BAHCC1: variants seen among roughly 807,000 people sequenced by gnomAD.
BAHCC1 encodes BAH and coiled-coil domain-containing protein 1.
In BAHCC1, 43 loss-of-function variants were observed where a neutral mutation model predicts 88.2. That is an observed-to-expected ratio of 0.49 (90% CI 0.38 to 0.63). The LOEUF (loss-of-function observed/expected upper bound fraction) is 0.63, where lower values mean the gene tolerates loss of function less well. Among genes scored for constraint, BAHCC1 ranks in the 20% least tolerant of loss-of-function variants. BAHCC1 has a pLI of 0.00. For missense variants in BAHCC1, 3,023 were observed against 1,654.8 expected, an observed-to-expected ratio of 1.83 and a Z score of -14.34; for synonymous variants, 1,510 against 745.5, an observed-to-expected ratio of 2.03 and a Z score of -16.71.
chr17:81,411,498 GCCTGCCTGCCTGCCTGCCTT>G lies in BAHCC1; in HGVS notation c.178+11585_178+11604del, dbSNP rs1567997967. The G allele has an allele frequency of 2.6e-5, 8 of 310,742 alleles. No homozygotes were observed. Among genetic ancestry groups the G allele is most frequent in the East Asian group, 8.6e-5 (1 of 11,652 alleles). 19.2% of individuals were successfully genotyped at this position (310,742 alleles called of 1,614,324 possible). ...CCCCTGCCTGCCTGCCTGCCTGCCT[GCCTGCCTGCCTGCCTGCCTT>G]CCTTCCTTCCTTCCTTCCTTCCTTC... On this transcript the variant is annotated intron_variant, in intron 2 of 27. Coordinates refer to ENST00000675386, the MANE Select transcript of BAHCC1 (RefSeq NM_001377448.1). This position sits in a 1 kb window ranked among gnomAD's most constrained non-coding sequence, Gnocchi z 6.2.
At chr17:81,424,253 G>T (rs1462015776) in intron 2 of BAHCC1, among the ~76,000 whole-genome samples, 1 of 152,220 alleles carries the variant, frequency 6.6e-6, no homozygotes, top group South Asian at 2.1e-4. Context: ...GTGCTGCCTG[G>T]AGGGGCCGAG....
At chr17:81,400,056 G>C in intron 2 of BAHCC1, 139 bp downstream of exon 2, 9 of 790,862 alleles carry the variant, frequency 1.1e-5, no homozygotes, top group Non-Finnish European at 1.5e-5. Flanking sequence ...GGCGCTGAGC[G>C]GGGCCGCGCG....
intron 16 of BAHCC1, among the ~76,000 whole-genome samples, chr17:81,457,119 G>A (rs551451497): frequency 1.3e-5 from 2 of 152,260 alleles, no homozygotes; most frequent in African/African-American, 4.8e-5. Context: ...AGCAGAAAAA[G>A]GGGAAGGGAC....
intron 3 of BAHCC1, among the ~76,000 whole-genome samples, chr17:81,433,314 G>A (rs2064291189): frequency 6.6e-6 from 1 of 152,216 alleles, no homozygotes. Context: ...TGTGGGAGCA[G>A]GGGTGTATGG....
chr17:81,424,974 G>A (rs1415557585), intron 2 of BAHCC1, among the ~76,000 whole-genome samples: 5 of 149,820 alleles, frequency 3.3e-5, no homozygotes, highest in African/African-American at 1.2e-4. Flanking sequence ...GATGTGGTTG[G>A]TGTGATGTGG....
Position 81,444,376 on chromosome 17 carries a change from T to TA in BAHCC1, c.2325-4dup. The TA allele has an allele frequency of 1.4e-6, 1 of 733,362 alleles. No individual in the cohort carries two copies. The highest frequency in any genetic ancestry group is 2.6e-5 in the East Asian group (1 of 38,322). The allele number at this position is 733,362 out of a possible 1,614,324, so 45.4% of individuals were successfully genotyped here. ...GGCGGCAGGGCTGAGCCCCAGGTCTTACAGGGACAGCAAAGACCGCGTAGA... is the reference window on the plus strand; with the variant it reads ...GGCGGCAGGGCTGAGCCCCAGGTCTTAACAGGGACAGCAAAGACCGCGTAGA... On this transcript the variant is annotated splice_polypyrimidine_tract_variant and splice_region_variant and intron_variant, in intron 6 of 27. Coordinates refer to ENST00000675386, the MANE Select transcript of BAHCC1 (RefSeq NM_001377448.1).
In BAHCC1 at chr17:81,442,239, C is replaced by A; in HGVS notation, c.890C>A (p.Ala297Asp). Residue 297 changes from alanine (A) to aspartate (D), a missense_variant, in exon 5 of 28, where the codon GCT becomes GAT. Transcript: ENST00000675386. ...TKVLNGEMGR[A>D]ALASCAGGML... ...GTGCTCAACGGCGAGATGGGCAGGG[C>A]TGCGCTAGCCAGCTGTGCAGGGGGC... The A allele has an allele frequency of 1.6e-6, 1 of 632,682 alleles. No homozygotes were observed. The allele number at this position is 632,682 out of a possible 1,614,324, so 39.2% of individuals were successfully genotyped here.
intron 2 of BAHCC1, among the ~76,000 whole-genome samples, chr17:81,419,687 C>T: frequency 6.6e-6 from 1 of 152,096 alleles, no homozygotes; most frequent in East Asian, 1.9e-4. Flanking sequence ...CCGGGGAGGC[C>T]CATGCCAGCA....
At chr17:81,438,239 C>T (rs1297906788) in intron 3 of BAHCC1, 131 bp from the exon 4 acceptor site, 4 of 654,822 alleles carry the variant, frequency 6.1e-6, no homozygotes, top group Non-Finnish European at 1.1e-5. Context: ...TTCCCCCCGG[C>T]GGCTGCGTGC....
At position 81,395,543 on chromosome 17, in the gene BAHCC1, A is replaced by G. The variant is rs1390794913; in HGVS notation, c.-299A>G. On this transcript the variant is annotated 5_prime_UTR_variant, in exon 1 of 28. Transcript: ENST00000675386. ...GCGGTGCATTTACAGTGCAACAGTC[A>G]GCACATTGAAAATACCAATAGGAAT... The G allele has an allele frequency of 1.3e-5, 2 of 152,272 alleles. No homozygotes were observed. The highest frequency in any genetic ancestry group is 2.4e-5 in the African/African-American group (1 of 41,478). 9.4% of individuals were successfully genotyped at this position (152,272 alleles called of 1,614,324 possible).
At chr17:81,457,079 G>A (rs2064763156) in intron 16 of BAHCC1, among the ~76,000 whole-genome samples, 1 of 152,142 alleles carries the variant, frequency 6.6e-6, no homozygotes, top group Non-Finnish European at 1.5e-5. Flanking sequence ...GGGGCTGGGG[G>A]AGGGGCAGAG....
intron 3 of BAHCC1, among the ~76,000 whole-genome samples, chr17:81,437,730 C>T (rs1329513823): frequency 2.0e-5 from 3 of 152,214 alleles, no homozygotes; most frequent in South Asian, 2.1e-4. Context: ...TGGCATGACT[C>T]GGAGTCACCG....
At chr17:81,449,048 G>A (rs893759042) in intron 11 of BAHCC1, among the ~76,000 whole-genome samples, 3 of 152,208 alleles carry the variant, frequency 2.0e-5, no homozygotes, top group Admixed American at 2.0e-4. Context: ...GGTCCCGTGT[G>A]TATGGCCAGA....
intron 2 of BAHCC1, among the ~76,000 whole-genome samples, chr17:81,404,755 C>T (rs782294252): frequency 4.5e-4 from 68 of 152,280 alleles, no homozygotes; most frequent in Middle Eastern, 3.4e-3. Flanking sequence ...AATGTGCGAG[C>T]GCTTGGGACA....
Position 81,442,763 on chromosome 17 carries a change from A to G in BAHCC1, c.1414A>G (p.Ser472Gly). 1.3e-6 allele frequency: 1 copy of G among 779,386 alleles called. No homozygotes were observed. Among genetic ancestry groups the G allele is most frequent in the Non-Finnish European group, 2.4e-6 (1 of 417,850 alleles). The allele number at this position is 779,386 out of a possible 1,614,324, so 48.3% of individuals were successfully genotyped here. A position where few individuals can be genotyped will look rare whatever the true frequency, so the allele number is the denominator to read the frequency against. Reference protein sequence around the residue: ...NPRLKGLDYLSSAGPEASFPG... With the variant: ...NPRLKGLDYLGSAGPEASFPG... ...CCGGCTAAAGGGCCTCGACTATCTC[A>G]GCAGCGCAGGCCCCGAGGCCTCCTT... Residue 472 changes from serine (S) to glycine (G), a missense_variant, in exon 5 of 28, where the codon AGC becomes GGC. Coordinates refer to ENST00000675386, the MANE Select transcript of BAHCC1 (RefSeq NM_001377448.1).
intron 2 of BAHCC1, chr17:81,407,332 TTAAG>T (rs781798754): frequency 4.4e-5 from 23 of 519,818 alleles, no homozygotes; most frequent in Admixed American, 4.1e-4. Context: ...CTTAGCCATA[TTAAG>T]TAAGAAAGAA....
rs1555658443 is a variant in BAHCC1 at position 81,459,178 on chromosome 17, G to T, written c.5720+10G>T. On this transcript the variant is annotated intron_variant, in intron 21 of 27. Transcript: ENST00000675386. ...TGCAGCCACCCGACATGTGAGGCCTGGGCATGGTGGGGCAGGGCAGGGGCC... is the reference window on the plus strand; with the variant it reads ...TGCAGCCACCCGACATGTGAGGCCTTGGCATGGTGGGGCAGGGCAGGGGCC... 1 of 767,836 alleles carries T rather than the reference G, an allele frequency of 1.3e-6. No individual in the cohort carries two copies. Among genetic ancestry groups the T allele is most frequent in the Non-Finnish European group, 2.4e-6 (1 of 411,676 alleles). 47.6% of individuals were successfully genotyped at this position (767,836 alleles called of 1,614,324 possible). A position where few individuals can be genotyped will look rare whatever the true frequency, so the allele number is the denominator to read the frequency against.
chr17:81,429,959 T>C (rs1193657091), intron 3 of BAHCC1, among the ~76,000 whole-genome samples: 2 of 152,150 alleles, frequency 1.3e-5, no homozygotes, highest in Non-Finnish European at 2.9e-5. Flanking sequence ...AGCCCGGAGC[T>C]GGAGGAGCCG....
intron 3 of BAHCC1, among the ~76,000 whole-genome samples, chr17:81,433,667 C>T (rs910705674): frequency 7.4e-5 from 11 of 148,284 alleles, no homozygotes; most frequent in Non-Finnish European, 1.5e-4. Flanking sequence ...ATCAGTCCAC[C>T]GAGGCCCCTG....
Sources: allele counts gnomAD v4.1 joint callset (sites outside exome capture counted in the v4.1 genomes callset), GRCh38; gene constraint gnomAD v4.1.1; non-coding constraint Gnocchi (gnomAD v3.1); transcripts MANE v1.5; gene names NCBI Gene and HGNC (gene_info 2026-07-23, HGNC 2026-07-21).